Variants in MYO18B observed in about 807,000 individuals in gnomAD.
MYO18B encodes myosin XVIIIB.
MYO18B carries 204 observed loss-of-function variants against 273.0 expected under a neutral mutation model. The ratio of observed to expected loss-of-function variants is 0.75; its 90% confidence interval spans 0.67 to 0.84. The LOEUF is 0.84. Among genes scored for constraint, MYO18B ranks in the 40% least tolerant of loss-of-function variants. The pLI, the probability that MYO18B is intolerant of heterozygous loss-of-function variation, is 0.00. For synonymous variants in MYO18B, 1,330 were observed against 1,305.7 expected, an observed-to-expected ratio of 1.02 and a Z score of -0.40; for missense variants, 3,212 against 3,287.6, an observed-to-expected ratio of 0.98 and a Z score of 0.56.
chr22:25,999,074 CCTCAAAACAACT>C (rs1933648961), intron 40 of MYO18B, among the ~76,000 whole-genome samples: 1 of 152,154 alleles, frequency 6.6e-6, no homozygotes, highest in Admixed American at 6.5e-5. Context: ...CATATGTTAT[CCTCAAAACAACT>C]CTCTGAGGCT....
chr22:26,046,839 A>G, the MYO18B span, among the ~76,000 whole-genome samples: 1 of 152,216 alleles, frequency 6.6e-6, no homozygotes, highest in Non-Finnish European at 1.5e-5. Flanking sequence ...GGAGCTTAAA[A>G]TAATATTATT....
chr22:25,870,541 T>C (rs545648582), intron 22 of MYO18B, among the ~76,000 whole-genome samples: 4 of 152,246 alleles, frequency 2.6e-5, no homozygotes, highest in Non-Finnish European at 5.9e-5. Context: ...ATGCGTCTAT[T>C]GTTGACGGAA....
intron 28 of MYO18B, 128 bp from the exon 29 acceptor site, chr22:25,898,179 G>T: frequency 9.5e-7 from 1 of 1,047,338 alleles, no homozygotes. Context: ...GTCAAGACAG[G>T]GTCTCCCCAT....
chr22:25,902,705 G>T lies in MYO18B; in HGVS notation c.4916G>T (p.Trp1639Leu). 1.3e-6 allele frequency: 2 copies of T among 1,590,720 alleles called. No individual in the cohort carries two copies. The highest frequency in any genetic ancestry group is 4.6e-5 in the East Asian group (2 of 43,770). The change falls in exon 30 of 44, where the codon TGG becomes TTG. Residue 1639 changes from tryptophan (W) to leucine (L), a missense_variant. By Grantham distance (61) the Trp-to-Leu change is moderately conservative. Transcript: ENST00000335473. ...KVTQENTSVR[W>L]ELGQLQQQLK... Reference sequence around the variant, plus strand: ...ACCCAGGAGAACACCAGTGTCCGGTGGGAGCTAGGCCAGCTTCAGCAGCAG... The same window carrying T: ...ACCCAGGAGAACACCAGTGTCCGGTTGGAGCTAGGCCAGCTTCAGCAGCAG...
At chr22:25,745,014 A>G (rs576200037) in intron 1 of MYO18B, among the ~76,000 whole-genome samples, 1 of 152,296 alleles carries the variant, frequency 6.6e-6, no homozygotes, top group East Asian at 1.9e-4. Flanking sequence ...ATAATAGTCA[A>G]ATCCACCATA....
chr22:25,931,577 G>A (rs866601928), intron 34 of MYO18B, among the ~76,000 whole-genome samples: 1 of 152,144 alleles, frequency 6.6e-6, no homozygotes, highest in East Asian at 1.9e-4. Context: ...ACTGTATACA[G>A]CAAGTGCTCA....
chr22:25,969,595 G>A (rs1165261987), intron 39 of MYO18B, among the ~76,000 whole-genome samples: 1 of 152,040 alleles, frequency 6.6e-6, no homozygotes, highest in Non-Finnish European at 1.5e-5. Context: ...ATACTACCTG[G>A]TCCTTTACAG....
chr22:26,031,619 A>G (rs946344483), downstream of MYO18B, among the ~76,000 whole-genome samples: 6 of 152,062 alleles, frequency 3.9e-5, no homozygotes, highest in Non-Finnish European at 7.4e-5. Context: ...ACATTTTTTG[A>G]GTGGGGCTGG....
chr22:25,792,255 A>G (rs2087695977), intron 11 of MYO18B, among the ~76,000 whole-genome samples: 1 of 152,142 alleles, frequency 6.6e-6, no homozygotes, highest in South Asian at 2.1e-4. Flanking sequence ...GGAGAGACCT[A>G]TGCCTGCCTC....
At chr22:25,844,031 A>G (rs1468173321) in intron 18 of MYO18B, 137 bp downstream of exon 18, 5 of 756,648 alleles carry the variant, frequency 6.6e-6, no homozygotes, top group Non-Finnish European at 8.0e-6. Flanking sequence ...AATGGAGCAA[A>G]GAACCATAAC....
chr22:25,921,855 T>TGC lies in MYO18B; in HGVS notation c.5517+447_5517+448insCG, dbSNP rs1491121593. On this transcript the variant is annotated intron_variant, in intron 34 of 43. Transcript: ENST00000335473. ...GTGTGTGTGTGTGTGTGTGTGTGTGTGGTGACTGCCAGGACTAGGTATGAG... is the reference window on the plus strand; with the variant it reads ...GTGTGTGTGTGTGTGTGTGTGTGTGTGCGGTGACTGCCAGGACTAGGTATGAG... Among the ~76,000 whole-genome samples, 1,086 of 142,892 alleles carry TGC rather than the reference T, an allele frequency of 7.6e-3. 20 individuals are homozygous for TGC. The highest frequency in any genetic ancestry group is 0.026 in the African/African-American group (984 of 38,452). 93.7% of individuals were successfully genotyped at this position (142,892 alleles called of 152,430 possible).
intron 42 of MYO18B, chr22:26,006,628 G>A (rs1934441519): frequency 6.3e-6 from 1 of 158,864 alleles, no homozygotes; most frequent in African/African-American, 2.4e-5. Context: ...ACTATGTATG[G>A]ACCCGGACAT....
At chr22:25,771,007 C>T (rs2086699330) in intron 6 of MYO18B, 23 bp downstream of exon 6, 1 of 1,507,678 alleles carries the variant, frequency 6.6e-7, no homozygotes, top group Non-Finnish European at 9.0e-7. Context: ...TCCCGCCGTC[C>T]CCCAGCATGA....
At chr22:26,023,010 A>G (rs1171538145) in intron 42 of MYO18B, among the ~76,000 whole-genome samples, 1 of 152,196 alleles carries the variant, frequency 6.6e-6, no homozygotes, top group African/African-American at 2.4e-5. Context: ...ACCCCAGCCT[A>G]TCTCGCCTTT....
intron 37 of MYO18B, among the ~76,000 whole-genome samples, chr22:25,951,342 A>T (rs1035878311): frequency 5.3e-5 from 8 of 152,224 alleles, no homozygotes; most frequent in African/African-American, 1.7e-4. Context: ...TCATCAGTTC[A>T]TTCAAATACT....
In MYO18B at chr22:25,823,492, G is replaced by T; in HGVS notation, c.2522-13G>T. On this transcript the variant is annotated splice_polypyrimidine_tract_variant and intron_variant, in intron 12 of 43. Transcript: ENST00000335473. Reference sequence around the variant, plus strand: ...GGCCTCACTGCCACGCCTCTGTTTTGTCCCCTTTGCAGTGGGTCGGAAGCA... The same window carrying T: ...GGCCTCACTGCCACGCCTCTGTTTTTTCCCCTTTGCAGTGGGTCGGAAGCA... The T allele has an allele frequency of 2.5e-6, 4 of 1,613,096 alleles. No homozygotes were observed. Among genetic ancestry groups the T allele is most frequent in the Non-Finnish European group, 3.4e-6 (4 of 1,179,402 alleles).
intron 12 of MYO18B, among the ~76,000 whole-genome samples, chr22:25,819,288 CTCT>C (rs2089174780): frequency 1.3e-5 from 2 of 152,336 alleles, no homozygotes; most frequent in South Asian, 4.1e-4. Flanking sequence ...CCATTAACCA[CTCT>C]TCTTTTCAGA....
intron 15 of MYO18B, among the ~76,000 whole-genome samples, chr22:25,829,316 G>T (rs547412346): frequency 6.6e-6 from 1 of 152,130 alleles, no homozygotes; most frequent in Admixed American, 6.5e-5. Context: ...ATCTGCCCAG[G>T]GGGGGAATGC....
At chr22:25,995,337 C>G (rs1327700244) in intron 40 of MYO18B, among the ~76,000 whole-genome samples, 1 of 152,158 alleles carries the variant, frequency 6.6e-6, no homozygotes, top group Non-Finnish European at 1.5e-5. Flanking sequence ...TTTAATAGCA[C>G]AGCAGGATGA....
Sources: allele counts gnomAD v4.1 joint callset (sites outside exome capture counted in the v4.1 genomes callset), GRCh38; gene constraint gnomAD v4.1.1; transcripts MANE v1.5; gene names NCBI Gene and HGNC (gene_info 2026-07-23, HGNC 2026-07-21).